The following TPP2 variants were observed in gnomAD, a reference collection of about 807,000 sequenced individuals.
TPP2 encodes tripeptidyl-peptidase 2.
TPP2 carries 34 observed loss-of-function variants against 155.9 expected under a neutral mutation model. The ratio of observed to expected loss-of-function variants is 0.22; its 90% CI spans 0.17 to 0.29. The LOEUF is 0.29. TPP2 is among the 10% of genes least tolerant of loss of function. The pLI, the probability that TPP2 is intolerant of heterozygous loss-of-function variation, is 1.00. For synonymous variants in TPP2, 510 were observed against 529.4 expected, an observed-to-expected ratio of 0.96 and a Z score of 0.50; for missense variants, 1,028 against 1,522.3, an observed-to-expected ratio of 0.68 and a Z score of 5.40.
At chr13:102,608,292 A>AT (rs1314485163) in intron 2 of TPP2, among the ~76,000 whole-genome samples, 12 of 151,600 alleles carry the variant, frequency 7.9e-5, no homozygotes, top group South Asian at 4.2e-4. Context: ...TTATTTCTTG[A>AT]TTTTTTTTTC....
intron 16 of TPP2, among the ~76,000 whole-genome samples, chr13:102,641,965 G>T (rs1328370930): frequency 6.6e-6 from 1 of 152,164 alleles, no homozygotes; most frequent in Non-Finnish European, 1.5e-5. Context: ...AGATATTGCA[G>T]TTAAGAGAAC....
Position 102,649,047 on chromosome 13 carries a change from T to C in TPP2, c.2769T>C (p.His923=), listed in dbSNP as rs1471765104. 6.2e-7 allele frequency: 1 copy of C among 1,613,854 alleles called. No homozygotes were observed. Among genetic ancestry groups the C allele is most frequent in the African/African-American group, 1.3e-5 (1 of 75,058 alleles). Residue 923 remains histidine (H), a synonymous_variant, in exon 22 of 30, where the codon CAT becomes CAC. Transcript: ENST00000376052. ...RLSNTLSLDI[H]ENHSFALLGK... The stretch of plus-strand genomic sequence containing the variant: ...CTAATACCTTGAGCTTAGATATTCA[T>C]GAAAATCATAGTTTTGCACTTCTAG...
At chr13:102,641,302 T>TA (rs573616820) in intron 16 of TPP2, among the ~76,000 whole-genome samples, 57 of 152,188 alleles carry the variant, frequency 3.7e-4, no homozygotes, top group Non-Finnish European at 7.8e-4. Context: ...AGGAAGCAAA[T>TA]ACGGGCAGTC....
intron 24 of TPP2, among the ~76,000 whole-genome samples, chr13:102,653,362 TC>T (rs1458464929): frequency 6.6e-6 from 1 of 152,148 alleles, no homozygotes; most frequent in Non-Finnish European, 1.5e-5. Flanking sequence ...TTTTTAAAAT[TC>T]CTTGTAAAAT....
rs770434482 is a variant in TPP2, at chr13:102,597,045, A to G, written c.7A>G (p.Thr3Ala). 1.2e-6 allele frequency: 2 copies of G among 1,611,288 alleles called. No individual in the cohort carries two copies. The highest frequency in any genetic ancestry group is 1.7e-5 in the Admixed American group (1 of 59,972). Reference sequence around the variant, plus strand: ...CGTCCTCCATCCTGCGTCCATGGCCACCGCTGCGACTGAGGAGCCCTTCCC... The same window carrying G: ...CGTCCTCCATCCTGCGTCCATGGCCGCCGCTGCGACTGAGGAGCCCTTCCC... MA[T>A]AATEEPFPFH... The change falls in exon 1 of 30, where the codon ACC becomes GCC. Residue 3 changes from threonine (T) to alanine (A), a missense_variant. This residue lies in a region of TPP2 where 300 missense variants were observed against 398.3 expected (regional missense o/e 0.75). Transcript: ENST00000376052.
At chr13:102,668,587 G>A (rs1227623747) in intron 27 of TPP2, among the ~76,000 whole-genome samples, 1 of 152,204 alleles carries the variant, frequency 6.6e-6, no homozygotes, top group Non-Finnish European at 1.5e-5. Flanking sequence ...ACCCCACTGA[G>A]GGTATGTTAC....
At chr13:102,666,363 C>T (rs1024276069) in intron 27 of TPP2, among the ~76,000 whole-genome samples, 8 of 152,294 alleles carry the variant, frequency 5.3e-5, no homozygotes, top group Admixed American at 6.5e-5. Flanking sequence ...GAAAAAGGAG[C>T]ATCGTCTGCC....
chr13:102,658,596 A>G (rs1884002885), intron 25 of TPP2, among the ~76,000 whole-genome samples: 2 of 152,256 alleles, frequency 1.3e-5, no homozygotes, highest in East Asian at 1.9e-4. Context: ...GGTCCAAAGG[A>G]CATTGAGCAA....
At chr13:102,600,863 A>G (rs772858056) in intron 1 of TPP2, among the ~76,000 whole-genome samples, 5 of 150,532 alleles carry the variant, frequency 3.3e-5, no homozygotes, top group Non-Finnish European at 5.9e-5. Context: ...GTATGCTTTC[A>G]TAGATAGTGT....
At chr13:102,623,402 A>G (rs1881315460) in intron 6 of TPP2, among the ~76,000 whole-genome samples, 1 of 152,160 alleles carries the variant, frequency 6.6e-6, no homozygotes, top group Non-Finnish European at 1.5e-5. Flanking sequence ...CATCTCTACT[A>G]AAAATATAGA....
intron 2 of TPP2, among the ~76,000 whole-genome samples, chr13:102,609,644 G>A (rs1449724321): frequency 2.0e-5 from 3 of 151,954 alleles, no homozygotes; most frequent in African/African-American, 7.3e-5. Context: ...TGATCTACCT[G>A]CCTCAGCCTC....
At chr13:102,638,674 GTC>G (rs939212852) in intron 15 of TPP2, among the ~76,000 whole-genome samples, 1 of 152,064 alleles carries the variant, frequency 6.6e-6, no homozygotes, top group Admixed American at 6.5e-5. Flanking sequence ...TGCCCTTTTT[GTC>G]TCTGTCGTTT....
chr13:102,613,508 A>G (rs1414061511), intron 2 of TPP2, among the ~76,000 whole-genome samples: 1 of 152,228 alleles, frequency 6.6e-6, no homozygotes, highest in Non-Finnish European at 1.5e-5. Context: ...TCACAAGAAT[A>G]AGGTAGAGAT....
intron 1 of TPP2, among the ~76,000 whole-genome samples, chr13:102,598,607 A>G (rs1354917440): frequency 6.6e-6 from 1 of 152,248 alleles, no homozygotes; most frequent in Non-Finnish European, 1.5e-5. Flanking sequence ...TTTATTACAA[A>G]GTAATAATGC....
Position 102,646,304 on chromosome 13 carries a change from G to A in TPP2, c.2404G>A (p.Ala802Thr). 3 of 1,611,856 alleles carry A rather than the reference G, an allele frequency of 1.9e-6. No individual in the cohort carries two copies. The highest frequency in any genetic ancestry group is 2.5e-6 in the Non-Finnish European group (3 of 1,179,042). The part of the protein sequence containing the change: ...NWVQTLRPVS[A>T]KTKPLGSRDV... ...GTTTCCTCATTACAGCCCAGTGAGT[G>A]CAAAAACAAAACCTTTAGGATCAAG... Residue 802 changes from alanine (A) to threonine (T), a missense_variant, in exon 20 of 30, where the codon GCA (alanine) becomes ACA (threonine). By Grantham distance (58) the Ala-to-Thr change is moderately conservative. Coordinates refer to ENST00000376052, the MANE Select transcript of TPP2 (RefSeq NM_001330588.2).
In TPP2 at chr13:102,603,236, T is replaced by G. The variant is rs1385295628; in HGVS notation, c.166-1557T>G. On this transcript the variant is annotated intron_variant, in intron 1 of 29. Transcript: ENST00000376052. Reference sequence around the variant, plus strand: ...ATGCCTGACAGGCACTGCTAGGTAGTGGGTATATGTATGTTCGTGAATAAA... The same window carrying G: ...ATGCCTGACAGGCACTGCTAGGTAGGGGGTATATGTATGTTCGTGAATAAA... Among the ~76,000 whole-genome samples, 7 of 152,182 alleles carry G rather than the reference T, an allele frequency of 4.6e-5. No homozygotes were observed. The East Asian group carries it at 1.2e-3, about 25-fold the overall frequency.
In TPP2 at chr13:102,633,056, A is replaced by T. The variant is rs560630783; in HGVS notation, c.1245-894A>T. On this transcript the variant is annotated intron_variant, in intron 10 of 29. Coordinates refer to ENST00000376052, the MANE Select transcript of TPP2 (RefSeq NM_001330588.2). ...TTCTACCCAAGAGTAAAAATAGTTCACTCAGTTGGGAGATGGTATAAGGAG... is the reference window on the plus strand; with the variant it reads ...TTCTACCCAAGAGTAAAAATAGTTCTCTCAGTTGGGAGATGGTATAAGGAG... Among the ~76,000 whole-genome samples, 9 of 152,282 alleles carry T rather than the reference A, an allele frequency of 5.9e-5. No homozygotes were observed. In the East Asian group the frequency reaches 1.7e-3, roughly 29 times the overall value.
chr13:102,649,022 C>T lies in TPP2; in HGVS notation c.2744C>T (p.Ser915Phe). The T allele has an allele frequency of 6.2e-7, 1 of 1,613,876 alleles. No individual in the cohort carries two copies. The highest frequency in any genetic ancestry group is 8.5e-7 in the Non-Finnish European group (1 of 1,179,938). Residue 915 changes from serine (S) to phenylalanine (F), a missense_variant, in exon 22 of 30, where the codon TCT (serine) becomes TTT (phenylalanine). Physicochemically the swap from Ser to Phe is radical, Grantham distance 155 (BLOSUM62 -2). This residue lies in a region of TPP2 where 179 missense variants were observed against 274.7 expected (regional missense o/e 0.65). Transcript: ENST00000376052. The stretch of plus-strand genomic sequence containing the variant: ...CCATTTATTGTTTCTCATAGATTGT[C>T]TAATACCTTGAGCTTAGATATTCAT... Reference protein sequence around the residue: ...DLPFIVSHRLSNTLSLDIHEN... With the variant: ...DLPFIVSHRLFNTLSLDIHEN...
chr13:102,600,553 T>C (rs910482135), intron 1 of TPP2, among the ~76,000 whole-genome samples: 4 of 152,226 alleles, frequency 2.6e-5, no homozygotes, highest in African/African-American at 4.8e-5. Context: ...ACCTGAAATA[T>C]GTATTTTAGT....
Sources: gnomAD v4.1 joint callset for allele counts (sites outside exome capture counted in the v4.1 genomes callset) on GRCh38, gnomAD v4.1.1 for gene constraint, gnomAD v4.1.1 regional missense constraint, MANE v1.5 for transcripts, NCBI Gene and HGNC (gene_info 2026-07-23, HGNC 2026-07-21) for gene names.